Variants in METTL15 observed in about 807,000 individuals in gnomAD.
The protein encoded by METTL15 is methyltransferase 15, mitochondrial 12S rRNA N4-cytidine, also known as 12S rRNA N(4)-cytidine methyltransferase METTL15.
Under a neutral mutation model 38.3 loss-of-function variants are expected in METTL15, and 34 were observed. That is an observed-to-expected ratio of 0.89 (90% CI 0.68 to 1.18). The LOEUF is 1.18. METTL15 is among the 50% of genes most tolerant of loss of function. The probability of loss-of-function intolerance (pLI) is 0.00; values close to 1 mark genes in which losing one functional copy is unlikely to be tolerated. For missense variants in METTL15, 438 were observed against 498.4 expected (o/e 0.88, Z 1.15); for synonymous variants, 162 against 170.9 (o/e 0.95, Z 0.41).
chr11:28,218,526 T>G (rs1294297085), intron 4 of METTL15, among the ~76,000 whole-genome samples: 3 of 152,144 alleles, frequency 2.0e-5, no homozygotes, highest in African/African-American at 7.2e-5. Context: ...TGACTTCCTG[T>G]TTTCCTAATT....
intron 6 of METTL15, among the ~76,000 whole-genome samples, chr11:28,313,240 A>G (rs913753784): frequency 3.9e-5 from 6 of 152,074 alleles, no homozygotes; most frequent in Non-Finnish European, 7.4e-5. Flanking sequence ...AAAACTACCT[A>G]TGCTAGTTCT....
intron 6 of METTL15, among the ~76,000 whole-genome samples, chr11:28,466,642 C>T (rs1487126187): frequency 1.3e-5 from 2 of 152,186 alleles, no homozygotes; most frequent in Non-Finnish European, 1.5e-5. Flanking sequence ...TGCTGCGGCT[C>T]CCTCGGTACA....
At chr11:28,521,119 A>G (rs1217554318) in intron 6 of METTL15, among the ~76,000 whole-genome samples, 2 of 152,094 alleles carry the variant, frequency 1.3e-5, no homozygotes, top group African/African-American at 4.8e-5. Context: ...ATTGTATTTT[A>G]TACAGTTTTG....
chr11:28,399,116 A>G (rs1850604461), intron 5 of METTL15: 1 of 152,058 alleles, frequency 6.6e-6, no homozygotes, highest in African/African-American at 2.4e-5. Flanking sequence ...GACCAATGAA[A>G]CAGAACAGAG....
chr11:28,236,636 C>T (rs1334981294), intron 4 of METTL15, among the ~76,000 whole-genome samples: 1 of 152,150 alleles, frequency 6.6e-6, no homozygotes, highest in Non-Finnish European at 1.5e-5. Flanking sequence ...GAATTTGATC[C>T]TGCCATTATG....
intron 5 of METTL15, among the ~76,000 whole-genome samples, chr11:28,377,942 G>T (rs1850336448): frequency 6.6e-6 from 1 of 152,162 alleles, no homozygotes; most frequent in South Asian, 2.1e-4. Flanking sequence ...GTCCCTGCTG[G>T]AGGGTGCCTC....
intron 4 of METTL15, among the ~76,000 whole-genome samples, chr11:28,218,285 G>A (rs184752413): frequency 6.6e-6 from 1 of 152,302 alleles, no homozygotes; most frequent in African/African-American, 2.4e-5. Flanking sequence ...TCCCTTGTAA[G>A]TTGGATTCCT....
At chr11:28,509,810 A>G (rs931752701) in intron 6 of METTL15, among the ~76,000 whole-genome samples, 1 of 152,152 alleles carries the variant, frequency 6.6e-6, no homozygotes, top group African/African-American at 2.4e-5. Flanking sequence ...TGGGGAGCTC[A>G]TTGCATTTCA....
At chr11:28,271,358 A>G (rs1395029896) in intron 4 of METTL15, among the ~76,000 whole-genome samples, 1 of 152,194 alleles carries the variant, frequency 6.6e-6, no homozygotes, top group Non-Finnish European at 1.5e-5. Flanking sequence ...AAGTTAAGAT[A>G]TGTGGTCCCT....
chr11:28,267,935 C>T (rs944507500), intron 4 of METTL15, among the ~76,000 whole-genome samples: 1 of 152,206 alleles, frequency 6.6e-6, no homozygotes, highest in South Asian at 2.1e-4. Context: ...CGGTGGCTCA[C>T]GCCTGTAATC....
At chr11:28,256,142 C>T (rs1179075457) in intron 4 of METTL15, among the ~76,000 whole-genome samples, 2 of 152,174 alleles carry the variant, frequency 1.3e-5, no homozygotes, top group Non-Finnish European at 2.9e-5. Context: ...ATTTATTGGA[C>T]ATACTGGCCT....
chr11:28,460,495 A>G (rs775342897), intron 6 of METTL15, among the ~76,000 whole-genome samples: 1 of 152,106 alleles, frequency 6.6e-6, no homozygotes, highest in Non-Finnish European at 1.5e-5. Flanking sequence ...AAGGGAAAAT[A>G]TATGTTATAA....
intron 4 of METTL15, among the ~76,000 whole-genome samples, chr11:28,234,328 G>C (rs1020319998): frequency 6.2e-4 from 94 of 151,666 alleles, no homozygotes; most frequent in African/African-American, 2.1e-3. Flanking sequence ...CCAGTAATGG[G>C]ATGGCTGGCT....
chr11:28,370,521 G>T (rs1850232309), intron 5 of METTL15, among the ~76,000 whole-genome samples: 2 of 151,886 alleles, frequency 1.3e-5, no homozygotes, highest in African/African-American at 4.8e-5. Context: ...AAATGTGTGA[G>T]TGCAGATATC....
intron 6 of METTL15, among the ~76,000 whole-genome samples, chr11:28,309,552 G>A (rs149920812): frequency 7.9e-5 from 12 of 152,172 alleles, no homozygotes; most frequent in East Asian, 3.9e-4. Flanking sequence ...AGCATACCCC[G>A]CAACCCATGG....
chr11:28,493,103 T>C (rs1343587828), intron 6 of METTL15, among the ~76,000 whole-genome samples: 1 of 152,144 alleles, frequency 6.6e-6, no homozygotes, highest in Non-Finnish European at 1.5e-5. Context: ...TCAGGTGTGG[T>C]AGTGCTCAGG....
At chr11:28,340,484 AAAC>A (rs1422608229) in intron 3 of METTL15, among the ~76,000 whole-genome samples, 3 of 152,188 alleles carry the variant, frequency 2.0e-5, no homozygotes, top group African/African-American at 7.2e-5. Flanking sequence ...TACAAGAAAG[AAAC>A]AACCCCATCA....
intron 4 of METTL15, among the ~76,000 whole-genome samples, chr11:28,228,496 A>G (rs1853567845): frequency 6.6e-6 from 1 of 151,928 alleles, no homozygotes; most frequent in African/African-American, 2.4e-5. Context: ...TTGGGTCCTG[A>G]TCAGAGTTTA....
intron 5 of METTL15, among the ~76,000 whole-genome samples, chr11:28,367,711 A>G (rs886794512): frequency 1.3e-5 from 2 of 152,166 alleles, no homozygotes; most frequent in Non-Finnish European, 2.9e-5. Flanking sequence ...CTACAAGGCT[A>G]CAGTAACCAA....
Sources: gnomAD v4.1 joint callset for allele counts (sites outside exome capture counted in the v4.1 genomes callset) on GRCh38, gnomAD v4.1.1 for gene constraint, MANE v1.5 for transcripts, NCBI Gene and HGNC (gene_info 2026-07-23, HGNC 2026-07-21) for gene names.